The following SPIRE1 variants were observed in gnomAD, a reference collection of about 807,000 sequenced individuals.
SPIRE1 encodes the protein protein spire homolog 1.
A neutral mutation model predicts 94.1 loss-of-function variants in SPIRE1; 40 were observed. The ratio of observed to expected loss-of-function variants is 0.43; its 90% CI spans 0.33 to 0.55. The LOEUF (loss-of-function observed/expected upper bound fraction) is 0.55, where lower values mean the gene tolerates loss of function less well. Ranked by LOEUF, SPIRE1 falls within the 20% of genes least tolerant of loss-of-function variation. The pLI is 0.06. For synonymous variants in SPIRE1, 376 were observed against 371.7 expected (o/e 1.01, Z -0.13); for missense variants, 838 against 975.2 (o/e 0.86, Z 1.87).
intron 9 of SPIRE1, among the ~76,000 whole-genome samples, chr18:12,483,147 G>C (rs1392782321): frequency 1.3e-5 from 2 of 151,864 alleles, no homozygotes; most frequent in Non-Finnish European, 2.9e-5. Context: ...AGGAGACAGG[G>C]TTTTGCCATG....
At chr18:12,508,440 C>A (rs990652530) in intron 5 of SPIRE1, among the ~76,000 whole-genome samples, 5 of 152,138 alleles carry the variant, frequency 3.3e-5, no homozygotes, top group Non-Finnish European at 2.9e-5. Flanking sequence ...TAAAAAGATT[C>A]TTAGATTCTG....
chr18:12,451,024 AGG>A, intron 16 of SPIRE1: 2 of 500,246 alleles, frequency 4.0e-6, no homozygotes, highest in Non-Finnish European at 7.4e-6. Context: ...AGGAAGAAGG[AGG>A]GGAGGAGGAG....
chr18:12,653,597 GA>G (rs1209454804), intron 1 of SPIRE1, among the ~76,000 whole-genome samples: 1 of 152,200 alleles, frequency 6.6e-6, no homozygotes, highest in Non-Finnish European at 1.5e-5. Context: ...GACACTAAAA[GA>G]CCAAGATTTG....
chr18:12,605,122 T>C (rs2036936685), intron 2 of SPIRE1, among the ~76,000 whole-genome samples: 1 of 152,124 alleles, frequency 6.6e-6, no homozygotes, highest in African/African-American at 2.4e-5. Flanking sequence ...GAGTTTCAGT[T>C]TTGCAAAATG....
chr18:12,533,652 T>A (rs1354804242), intron 4 of SPIRE1, among the ~76,000 whole-genome samples: 1 of 152,158 alleles, frequency 6.6e-6, no homozygotes, highest in African/African-American at 2.4e-5. Context: ...CTCATTTAAT[T>A]TCCTCTATTA....
chr18:12,594,794 T>C (rs1017489839), intron 2 of SPIRE1, among the ~76,000 whole-genome samples: 2 of 152,190 alleles, frequency 1.3e-5, no homozygotes, highest in African/African-American at 4.8e-5. Context: ...CTGTCTCTCT[T>C]GCCTCCTCTT....
At position 12,512,468 on chromosome 18, in the gene SPIRE1, T is replaced by A. The variant is rs758557092; in HGVS notation, c.793A>T (p.Lys265Ter). 6.2e-7 allele frequency: 1 copy of A among 1,611,802 alleles called. No homozygotes were observed. Among genetic ancestry groups the A allele is most frequent in the African/African-American group, 1.3e-5 (1 of 74,872 alleles). ...DESSTDLEEL[K>*]NADWARFWVQ... ...CCAGCTCTTACCCAGTCAGCGTTTT[T>A]CAGCTCTTCCAAGTCTGTGCTAGAT... Residue 265 changes from lysine to a stop codon, truncating the protein, a stop_gained, in exon 5 of 17, where the codon AAA becomes TAA. Coordinates refer to ENST00000409402, the MANE Select transcript of SPIRE1 (RefSeq NM_001128626.2). LOFTEE classifies it high-confidence loss of function.
At chr18:12,588,847 C>A (rs994909949) in intron 2 of SPIRE1, among the ~76,000 whole-genome samples, 3 of 152,114 alleles carry the variant, frequency 2.0e-5, no homozygotes, top group African/African-American at 4.8e-5. Context: ...ATTTAAATTT[C>A]TTTTCCTACT....
At chr18:12,613,124 G>A (rs942528965) in intron 2 of SPIRE1, among the ~76,000 whole-genome samples, 5 of 152,138 alleles carry the variant, frequency 3.3e-5, no homozygotes, top group Non-Finnish European at 5.9e-5. Context: ...TCCTAGATGA[G>A]AGCCTGGACA....
At chr18:12,648,459 G>A (rs1167572035) in intron 1 of SPIRE1, among the ~76,000 whole-genome samples, 1 of 151,840 alleles carries the variant, frequency 6.6e-6, no homozygotes, top group African/African-American at 2.4e-5. Flanking sequence ...CCAAATGGAG[G>A]GACATTTTAC....
At chr18:12,566,426 C>A (rs1198969939) in intron 2 of SPIRE1, among the ~76,000 whole-genome samples, 2 of 152,070 alleles carry the variant, frequency 1.3e-5, no homozygotes, top group Non-Finnish European at 2.9e-5. Flanking sequence ...AGGAGGAGCA[C>A]TGAAGTAAAA....
chr18:12,624,129 A>T (rs1267757714), intron 2 of SPIRE1, among the ~76,000 whole-genome samples: 1 of 117,148 alleles, frequency 8.5e-6, no homozygotes, highest in Non-Finnish European at 1.8e-5. Flanking sequence ...CGCCATGTTG[A>T]TCAGCTGGTC....
At position 12,452,178 on chromosome 18, in the gene SPIRE1, A is replaced by G. The variant is rs929517238; in HGVS notation, c.2012+77T>C. On this transcript the variant is annotated intron_variant, in intron 16 of 16. Coordinates refer to ENST00000409402, the MANE Select transcript of SPIRE1 (RefSeq NM_001128626.2). Reference sequence around the variant, plus strand: ...TAAAAACCCCTCGAGCCAAAACCCTAACACTCTACCACAGTCCTCAAGAGT... The same window carrying G: ...TAAAAACCCCTCGAGCCAAAACCCTGACACTCTACCACAGTCCTCAAGAGT... 2.5e-6 allele frequency: 4 copies of G among 1,572,802 alleles called. No homozygotes were observed. The African/African-American group carries it at 5.4e-5, about 21-fold the overall frequency.
chr18:12,563,653 T>C lies in SPIRE1; in HGVS notation c.373-16749A>G, dbSNP rs538876971. 7.2e-5 allele frequency among the ~76,000 whole-genome samples: 11 copies of C among 152,356 alleles called. No homozygotes were observed. The East Asian group carries it at 2.1e-3, about 29-fold the overall frequency. On this transcript the variant is annotated intron_variant, in intron 2 of 16. Coordinates refer to ENST00000409402, the MANE Select transcript of SPIRE1 (RefSeq NM_001128626.2). Reference sequence around the variant, plus strand: ...AAGAAATATGTATTGTCCTTTTCCATGTTATTGGCATCAATTGTATCTATA... The same window carrying C: ...AAGAAATATGTATTGTCCTTTTCCACGTTATTGGCATCAATTGTATCTATA...
chr18:12,447,987 C>G lies in SPIRE1; in HGVS notation c.*1651G>C, dbSNP rs1333833132. On this transcript the variant is annotated 3_prime_UTR_variant, in exon 17 of 17. Coordinates refer to ENST00000409402, the MANE Select transcript of SPIRE1 (RefSeq NM_001128626.2). Reference sequence around the variant, plus strand: ...GGAAGTTTTATAAATGAGATTCACCCAGTACAATTCTGAAAGCTCTTAAAC... The same window carrying G: ...GGAAGTTTTATAAATGAGATTCACCGAGTACAATTCTGAAAGCTCTTAAAC... 6.6e-6 allele frequency: 1 copy of G among 152,050 alleles called. No homozygotes were observed. Among genetic ancestry groups the G allele is most frequent in the African/African-American group, 2.4e-5 (1 of 41,408 alleles). The allele number at this position is 152,050 out of a possible 1,614,324, so 9.4% of individuals were successfully genotyped here. A position where few individuals can be genotyped will look rare whatever the true frequency, so the allele number is the denominator to read the frequency against.
intron 1 of SPIRE1, among the ~76,000 whole-genome samples, chr18:12,642,187 C>A (rs750935044): frequency 6.6e-6 from 1 of 152,138 alleles, no homozygotes; most frequent in Admixed American, 6.6e-5. Context: ...ACCAACAATA[C>A]GTTTGTGTGA....
chr18:12,557,056 A>T (rs1311296111), intron 2 of SPIRE1, among the ~76,000 whole-genome samples: 1 of 152,134 alleles, frequency 6.6e-6, no homozygotes, highest in East Asian at 1.9e-4. Flanking sequence ...CCAAGTCCCC[A>T]CCCGACTCAG....
At chr18:12,526,701 TA>T (rs1190032269) in intron 4 of SPIRE1, among the ~76,000 whole-genome samples, 4 of 143,558 alleles carry the variant, frequency 2.8e-5, no homozygotes, top group African/African-American at 1.0e-4. Flanking sequence ...GAAGACATTT[TA>T]TTTTTTTTAA....
At chr18:12,561,789 C>CA (rs1301837614) in intron 2 of SPIRE1, among the ~76,000 whole-genome samples, 1 of 152,136 alleles carries the variant, frequency 6.6e-6, no homozygotes, top group Non-Finnish European at 1.5e-5. Flanking sequence ...ATTAATATTC[C>CA]TATAGTGAAA....
Sources: allele counts gnomAD v4.1 joint callset (sites outside exome capture counted in the v4.1 genomes callset), GRCh38; gene constraint gnomAD v4.1.1; transcripts MANE v1.5; gene names NCBI Gene and HGNC (gene_info 2026-07-23, HGNC 2026-07-21).